The following GNAQ variants were observed in gnomAD, a reference collection of about 807,000 sequenced individuals.
GNAQ encodes guanine nucleotide-binding protein G(q) subunit alpha.
In GNAQ, 8 loss-of-function variants were observed where a neutral mutation model predicts 43.9. The ratio of observed to expected loss-of-function variants is 0.18; its 90% CI spans 0.11 to 0.33. The LOEUF is 0.33. Ranked by LOEUF, GNAQ falls within the 10% of genes least tolerant of loss-of-function variation. GNAQ has a pLI of 1.00. For missense variants in GNAQ, 158 were observed against 450.8 expected (o/e 0.35, Z 5.88); for synonymous variants, 155 against 170.7 (o/e 0.91, Z 0.71).
intron 2 of GNAQ, among the ~76,000 whole-genome samples, chr9:77,864,973 C>A (rs1827924318): frequency 6.6e-6 from 1 of 152,094 alleles, no homozygotes; most frequent in Admixed American, 6.5e-5. Flanking sequence ...AATCATGTAT[C>A]CCTCCTACCT....
intron 2 of GNAQ, among the ~76,000 whole-genome samples, chr9:77,861,845 C>CA (rs1827858395): frequency 6.6e-6 from 1 of 151,756 alleles, no homozygotes; most frequent in African/African-American, 2.4e-5. Flanking sequence ...ACTAAAAATA[C>CA]AAAAATTAGC....
chr9:77,741,299 T>C (rs940540090), intron 5 of GNAQ, among the ~76,000 whole-genome samples: 1 of 152,250 alleles, frequency 6.6e-6, no homozygotes, highest in Non-Finnish European at 1.5e-5. Context: ...AACATTCCAA[T>C]TTTATATGTT....
At chr9:77,884,257 G>T (rs558673382) in intron 2 of GNAQ, among the ~76,000 whole-genome samples, 2 of 152,296 alleles carry the variant, frequency 1.3e-5, no homozygotes, top group Non-Finnish European at 2.9e-5. Context: ...AAGCCCCTGT[G>T]GGGGTGTGAA....
intron 1 of GNAQ, among the ~76,000 whole-genome samples, chr9:77,961,155 A>G (rs1168474367): frequency 6.6e-6 from 1 of 152,188 alleles, no homozygotes; most frequent in Non-Finnish European, 1.5e-5. Flanking sequence ...ATACTCATTC[A>G]CTTATAAAAT....
chr9:77,760,805 C>T (rs888426520), intron 5 of GNAQ, among the ~76,000 whole-genome samples: 3 of 151,298 alleles, frequency 2.0e-5, no homozygotes, highest in African/African-American at 4.9e-5. Context: ...AAGTGAGGAG[C>T]GTCTCTGCCC....
chr9:77,757,428 T>G (rs1024615158), intron 5 of GNAQ, among the ~76,000 whole-genome samples: 13 of 152,180 alleles, frequency 8.5e-5, no homozygotes, highest in Admixed American at 8.5e-4. Context: ...ACCATTACGC[T>G]CAAATTGACT....
chr9:77,874,114 A>AC (rs1387837204), intron 2 of GNAQ, among the ~76,000 whole-genome samples: 2 of 141,648 alleles, frequency 1.4e-5, no homozygotes, highest in African/African-American at 5.3e-5. Flanking sequence ...CAAAAAAAAA[A>AC]AACAAAAAAA....
chr9:77,751,438 A>G (rs1290792845), intron 5 of GNAQ, among the ~76,000 whole-genome samples: 2 of 152,236 alleles, frequency 1.3e-5, no homozygotes, highest in African/African-American at 2.4e-5. Context: ...AATGAAAAGC[A>G]GATGCTGTAA....
At position 77,824,422 on chromosome 9, in the gene GNAQ, C is replaced by T. The variant is rs535344056; in HGVS notation, c.322-8652G>A. ...CAAATATTTTCATAGAACTATCTTTCGGTATTAGTTCAGAATAGTATTATT... is the reference window on the plus strand; with the variant it reads ...CAAATATTTTCATAGAACTATCTTTTGGTATTAGTTCAGAATAGTATTATT... On this transcript the variant is annotated intron_variant, in intron 2 of 6. Coordinates refer to ENST00000286548, the MANE Select transcript of GNAQ (RefSeq NM_002072.5). Among the ~76,000 whole-genome samples the T allele has an allele frequency of 9.9e-5, 15 of 152,140 alleles. 1 individual carries two copies. In the East Asian group the frequency reaches 2.1e-3, roughly 22 times the overall value.
At chr9:78,030,652 C>A (rs1011377572) in intron 1 of GNAQ, 4 of 429,720 alleles carry the variant, frequency 9.3e-6, no homozygotes, top group African/African-American at 2.0e-5. Context: ...GCTCCGCTCG[C>A]CACCCGCTGG....
chr9:77,863,227 GAAGA>G (rs1827889089), intron 2 of GNAQ, among the ~76,000 whole-genome samples: 7 of 151,932 alleles, frequency 4.6e-5, no homozygotes, highest in African/African-American at 1.4e-4. Context: ...AGGGAGGAAG[GAAGA>G]AAGGAAGGAA....
chr9:77,761,658 C>T (rs1432428716), intron 5 of GNAQ, among the ~76,000 whole-genome samples: 4 of 99,374 alleles, frequency 4.0e-5, no homozygotes, highest in Non-Finnish European at 8.3e-5. Context: ...CCAGCCGCCC[C>T]GTCCGGGAGG....
intron 1 of GNAQ, among the ~76,000 whole-genome samples, chr9:77,954,083 T>C (rs1299904449): frequency 6.6e-6 from 1 of 152,234 alleles, no homozygotes; most frequent in Non-Finnish European, 1.5e-5. Flanking sequence ...CTGTTTCATT[T>C]CCTTATCATC....
intron 1 of GNAQ, among the ~76,000 whole-genome samples, chr9:77,966,625 G>C (rs762643855): frequency 1.3e-5 from 2 of 152,038 alleles, no homozygotes; most frequent in Non-Finnish European, 2.9e-5. Context: ...AAAGTAAATA[G>C]GGCATTAATA....
At chr9:77,787,020 A>G (rs900615904) in intron 5 of GNAQ, among the ~76,000 whole-genome samples, 3 of 152,252 alleles carry the variant, frequency 2.0e-5, no homozygotes, top group Non-Finnish European at 2.9e-5. Context: ...AGTGAATTAC[A>G]TAGAATGCAT....
intron 2 of GNAQ, among the ~76,000 whole-genome samples, chr9:77,909,703 AC>A (rs1334335187): frequency 2.0e-5 from 3 of 152,036 alleles, no homozygotes; most frequent in African/African-American, 7.2e-5. Context: ...AAAAACAACA[AC>A]TGCATATGCA....
At chr9:77,816,485 T>C (rs1827017641) in intron 2 of GNAQ, among the ~76,000 whole-genome samples, 2 of 152,170 alleles carry the variant, frequency 1.3e-5, no homozygotes, top group South Asian at 4.1e-4. Context: ...GAGATTAAAA[T>C]GTTTTAAAAA....
At chr9:77,946,727 A>G (rs1052107473) in intron 1 of GNAQ, among the ~76,000 whole-genome samples, 2 of 152,256 alleles carry the variant, frequency 1.3e-5, no homozygotes, top group African/African-American at 4.8e-5. Flanking sequence ...GCCTTAAAGC[A>G]GTTGCTATAC....
rs537369827 is a variant in GNAQ, at chr9:77,858,676, C to T, written c.322-42906G>A. Reference sequence around the variant, plus strand: ...TCCACCAGCCTCTCCAGCCATGCTTCCTTTCTCTGCTTGGCTCTTTCTTTC... The same window carrying T: ...TCCACCAGCCTCTCCAGCCATGCTTTCTTTCTCTGCTTGGCTCTTTCTTTC... On this transcript the variant is annotated intron_variant, in intron 2 of 6. Transcript: ENST00000286548. 2.0e-5 allele frequency among the ~76,000 whole-genome samples: 3 copies of T among 151,942 alleles called. No individual in the cohort carries two copies. The East Asian group carries it at 5.8e-4, about 30-fold the overall frequency.
Sources: gnomAD v4.1 joint callset for allele counts (sites outside exome capture counted in the v4.1 genomes callset) on GRCh38, gnomAD v4.1.1 for gene constraint, MANE v1.5 for transcripts, NCBI Gene and HGNC (gene_info 2026-07-23, HGNC 2026-07-21) for gene names.